NAALADL2: variants seen among roughly 807,000 people sequenced by gnomAD.
NAALADL2 encodes N-acetylated alpha-linked acidic dipeptidase like 2.
NAALADL2 carries 76 observed loss-of-function variants against 87.2 expected under a neutral mutation model. The ratio of observed to expected loss-of-function variants is 0.87; its 90% CI spans 0.72 to 1.05. NAALADL2 has a LOEUF of 1.05. Ranked by LOEUF, NAALADL2 falls within the 50% of genes least tolerant of loss-of-function variation. NAALADL2 has a pLI of 0.00. For missense variants in NAALADL2, 1,089 were observed against 945.8 expected, an observed-to-expected ratio of 1.15 and a Z score of -1.99; for synonymous variants, 354 against 331.0, an observed-to-expected ratio of 1.07 and a Z score of -0.75.
chr3:174,866,462 A>T (rs533822864), intron 1 of NAALADL2, among the ~76,000 whole-genome samples: 2 of 152,014 alleles, frequency 1.3e-5, no homozygotes, highest in Non-Finnish European at 2.9e-5. Flanking sequence ...TATAGATTGT[A>T]CAAGATCTAT....
At chr3:174,765,292 C>G (rs1038596984) in intron 3 of NAALADL2, among the ~76,000 whole-genome samples, 1 of 152,250 alleles carries the variant, frequency 6.6e-6, no homozygotes, top group East Asian at 1.9e-4. Flanking sequence ...GAGGAATACA[C>G]ATTTTTATTG....
At chr3:175,616,500 C>T (rs1035592921) in intron 10 of NAALADL2, among the ~76,000 whole-genome samples, 1 of 152,032 alleles carries the variant, frequency 6.6e-6, no homozygotes, top group Non-Finnish European at 1.5e-5. Flanking sequence ...GGAATAAGAG[C>T]CAGCTAGAAG....
intron 9 of NAALADL2, among the ~76,000 whole-genome samples, chr3:175,489,688 AT>A (rs762005683): frequency 1.6e-4 from 24 of 152,168 alleles, no homozygotes; most frequent in Non-Finnish European, 2.6e-4. Flanking sequence ...CATGCTATTA[AT>A]TTTTAGAAGT....
chr3:174,677,561 A>G (rs533337903), intron 2 of NAALADL2, among the ~76,000 whole-genome samples: 5 of 152,266 alleles, frequency 3.3e-5, no homozygotes, highest in African/African-American at 9.6e-5. Context: ...GAATCTGTGA[A>G]TAGTAAATCA....
intron 1 of NAALADL2, among the ~76,000 whole-genome samples, chr3:175,008,348 C>G (rs1225406614): frequency 6.6e-6 from 1 of 152,106 alleles, no homozygotes; most frequent in African/African-American, 2.4e-5. Context: ...GCCACTGCAC[C>G]TCAGCCTGGG....
intron 1 of NAALADL2, among the ~76,000 whole-genome samples, chr3:174,529,050 T>G (rs1049201509): frequency 6.6e-6 from 1 of 152,216 alleles, no homozygotes; most frequent in East Asian, 1.9e-4. Context: ...AACTCAAAAG[T>G]CCACAGTCCA....
rs565420334 is a variant in NAALADL2 at position 175,790,289 on chromosome 3, T to G, written c.2190-12716T>G. Among the ~76,000 whole-genome samples the G allele has an allele frequency of 8.1e-4, 123 of 152,224 alleles. No homozygotes were observed. In the Middle Eastern group the frequency reaches 0.01, roughly 13 times the overall value. Reference sequence around the variant, plus strand: ...TCTTTCTTTTGGGGCCCCAGATCCATTGTTCATCTAGTACTTCAAGTCACT... The same window carrying G: ...TCTTTCTTTTGGGGCCCCAGATCCAGTGTTCATCTAGTACTTCAAGTCACT... On this transcript the variant is annotated intron_variant, in intron 13 of 13. Coordinates refer to ENST00000454872, the MANE Select transcript of NAALADL2 (RefSeq NM_207015.3).
chr3:175,564,047 C>T (rs1431277075), intron 9 of NAALADL2, among the ~76,000 whole-genome samples: 1 of 152,198 alleles, frequency 6.6e-6, no homozygotes, highest in Non-Finnish European at 1.5e-5. Context: ...ATTTCTCACT[C>T]TCAGCATTTA....
intron 3 of NAALADL2, among the ~76,000 whole-genome samples, chr3:175,246,470 A>G (rs953394115): frequency 9.2e-5 from 14 of 152,150 alleles, no homozygotes; most frequent in African/African-American, 3.4e-4. Context: ...TTGGTTGAAA[A>G]TGTCAAGTCT....
At chr3:175,084,607 G>C (rs1217203594) in intron 1 of NAALADL2, among the ~76,000 whole-genome samples, 3 of 152,092 alleles carry the variant, frequency 2.0e-5, no homozygotes, top group Non-Finnish European at 4.4e-5. Flanking sequence ...TAAATTAAAT[G>C]ATTTCTCTTA....
At chr3:174,882,646 C>T (rs555382299) in intron 1 of NAALADL2, among the ~76,000 whole-genome samples, 2 of 144,178 alleles carry the variant, frequency 1.4e-5, no homozygotes, top group Admixed American at 6.8e-5. Flanking sequence ...CACATATGTG[C>T]ATATACACAT....
intron 2 of NAALADL2, among the ~76,000 whole-genome samples, chr3:175,107,609 G>C (rs2108469838): frequency 6.6e-6 from 1 of 151,678 alleles, no homozygotes. Context: ...TTATATAACT[G>C]AAATAAACCA....
At chr3:175,077,021 C>T (rs1241491829) in intron 1 of NAALADL2, among the ~76,000 whole-genome samples, 1 of 151,982 alleles carries the variant, frequency 6.6e-6, no homozygotes, top group Admixed American at 6.6e-5. Flanking sequence ...CTTTTAATGA[C>T]CCTCAGTGGA....
At chr3:175,395,912 T>C (rs1424096354) in intron 5 of NAALADL2, among the ~76,000 whole-genome samples, 1 of 152,202 alleles carries the variant, frequency 6.6e-6, no homozygotes, top group East Asian at 1.9e-4. Flanking sequence ...TATGAACTGC[T>C]TCTCTTCTAG....
intron 11 of NAALADL2, among the ~76,000 whole-genome samples, chr3:175,650,578 T>A (rs990769931): frequency 6.6e-6 from 1 of 152,178 alleles, no homozygotes; most frequent in Non-Finnish European, 1.5e-5. Context: ...ACTATCAAAG[T>A]GAAATTCTTG....
intron 11 of NAALADL2, among the ~76,000 whole-genome samples, chr3:175,717,803 ATTTTTTT>A (rs10575051): frequency 2.5e-5 from 3 of 117,882 alleles, no homozygotes; most frequent in Admixed American, 1.8e-4. Flanking sequence ...AAGAGAGCAG[ATTTTTTT>A]TTTTTTTTTT....
intron 2 of NAALADL2, among the ~76,000 whole-genome samples, chr3:175,125,944 A>G (rs1343931633): frequency 6.6e-6 from 1 of 152,112 alleles, no homozygotes; most frequent in East Asian, 1.9e-4. Flanking sequence ...CCAGCATAGG[A>G]GACTTGAAAT....
At chr3:175,573,876 G>A (rs1057509048) in intron 9 of NAALADL2, among the ~76,000 whole-genome samples, 1 of 151,426 alleles carries the variant, frequency 6.6e-6, no homozygotes, top group South Asian at 2.1e-4. Context: ...AGACTGTATG[G>A]TAAAAACATT....
chr3:174,491,000 A>G (rs1718156978), intron 1 of NAALADL2, among the ~76,000 whole-genome samples: 1 of 152,118 alleles, frequency 6.6e-6, no homozygotes. Context: ...ATCCAGAGCT[A>G]TTGTCAGCAA....
Sources: allele counts gnomAD v4.1 joint callset (sites outside exome capture counted in the v4.1 genomes callset), GRCh38; gene constraint gnomAD v4.1.1; transcripts MANE v1.5; gene names NCBI Gene and HGNC (gene_info 2026-07-23, HGNC 2026-07-21).